The following SFMBT2 variants were observed in gnomAD, a reference collection of about 807,000 sequenced individuals.
The protein encoded by SFMBT2 is scm-like with four MBT domains protein 2.
In SFMBT2, 38 loss-of-function variants were observed where a neutral mutation model predicts 110.1. That is an observed-to-expected ratio of 0.35 (90% CI 0.27 to 0.45). SFMBT2 has a LOEUF of 0.45. Among genes scored for constraint, SFMBT2 ranks in the 20% least tolerant of loss-of-function variants. SFMBT2 has a pLI of 1.00. For missense variants in SFMBT2, 1,011 were observed against 1,094.9 expected, an observed-to-expected ratio of 0.92 and a Z score of 1.08; for synonymous variants, 425 against 425.4, an observed-to-expected ratio of 1.00 and a Z score of 0.01.
chr10:7,248,043 A>T (rs1383314730), intron 8 of SFMBT2, among the ~76,000 whole-genome samples: 1 of 152,216 alleles, frequency 6.6e-6, no homozygotes, highest in African/African-American at 2.4e-5. Flanking sequence ...GGACTAACAG[A>T]TCATTATAAA....
chr10:7,375,438 G>A (rs2132066845), intron 2 of SFMBT2, among the ~76,000 whole-genome samples: 1 of 152,274 alleles, frequency 6.6e-6, no homozygotes, highest in South Asian at 2.1e-4. Flanking sequence ...AATGCTTACT[G>A]AGCACCTTCT....
chr10:7,162,794 G>C lies in SFMBT2; in HGVS notation c.*976C>G, dbSNP rs1260572480. On this transcript the variant is annotated 3_prime_UTR_variant, in exon 21 of 21. Coordinates refer to ENST00000397167, the MANE Select transcript of SFMBT2 (RefSeq NM_001387889.1). ...AGAGTTTGTCTCTACAGATGTTCTA[G>C]GCTTCAATCAAAAACCATCCAGTTG... The C allele has an allele frequency of 6.6e-6, 1 of 152,250 alleles. No homozygotes were observed. Among genetic ancestry groups the C allele is most frequent in the Non-Finnish European group, 1.5e-5 (1 of 68,102 alleles). The allele number at this position is 152,250 out of a possible 1,614,324, so 9.4% of individuals were successfully genotyped here. A position where few individuals can be genotyped will look rare whatever the true frequency, so the allele number is the denominator to read the frequency against.
At chr10:7,300,244 T>G (rs1045165976) in intron 4 of SFMBT2, among the ~76,000 whole-genome samples, 2 of 149,984 alleles carry the variant, frequency 1.3e-5, no homozygotes, top group African/African-American at 4.9e-5. Context: ...ATGGCACACA[T>G]AACCTATGTA....
intron 9 of SFMBT2, among the ~76,000 whole-genome samples, chr10:7,238,990 A>G (rs1840350046): frequency 6.6e-6 from 1 of 152,230 alleles, no homozygotes; most frequent in South Asian, 2.1e-4. Flanking sequence ...CTTACCAGGA[A>G]AATCCTTACT....
At chr10:7,197,315 G>A (rs1250273568) in intron 15 of SFMBT2, among the ~76,000 whole-genome samples, 2 of 151,940 alleles carry the variant, frequency 1.3e-5, no homozygotes, top group Non-Finnish European at 1.5e-5. Context: ...CCCCTAATTC[G>A]AGGGAAGGCA....
At chr10:7,248,808 G>A (rs950227118) in intron 7 of SFMBT2, among the ~76,000 whole-genome samples, 159 bp from the exon 8 acceptor site, 1 of 152,258 alleles carries the variant, frequency 6.6e-6, no homozygotes, top group Non-Finnish European at 1.5e-5. Flanking sequence ...CAGATACCAC[G>A]GATTTAATTA....
chr10:7,339,294 CAAAT>C (rs992806594), intron 4 of SFMBT2, among the ~76,000 whole-genome samples: 4 of 152,132 alleles, frequency 2.6e-5, no homozygotes, highest in Admixed American at 2.6e-4. Context: ...TTAATGAAAA[CAAAT>C]AAGTTTCGAT....
intron 8 of SFMBT2, among the ~76,000 whole-genome samples, chr10:7,247,049 T>C (rs2131728880): frequency 6.6e-6 from 1 of 152,322 alleles, no homozygotes; most frequent in African/African-American, 2.4e-5. Flanking sequence ...ACCTCCAGAT[T>C]ATAAAGCAAA....
At chr10:7,396,710 T>C (rs112946550) in intron 1 of SFMBT2, among the ~76,000 whole-genome samples, 3,920 of 151,920 alleles carry the variant, frequency 0.026, 89 homozygotes, top group Non-Finnish European at 0.038. Context: ...TGGAATCCTA[T>C]GCAGTCATAA....
At chr10:7,184,960 T>C (rs1319267409) in intron 16 of SFMBT2, among the ~76,000 whole-genome samples, 1 of 152,206 alleles carries the variant, frequency 6.6e-6, no homozygotes, top group South Asian at 2.1e-4. Context: ...TTTCACTTCA[T>C]TGGTCTCATT....
chr10:7,276,273 T>C (rs567089506), intron 7 of SFMBT2, among the ~76,000 whole-genome samples: 2 of 152,348 alleles, frequency 1.3e-5, no homozygotes, highest in Admixed American at 6.5e-5. Flanking sequence ...CTGTCATTTT[T>C]ACTAAATGTC....
At chr10:7,251,170 TA>T (rs34202336) in intron 7 of SFMBT2, among the ~76,000 whole-genome samples, 2,536 of 147,012 alleles carry the variant, frequency 0.017, 67 homozygotes, top group African/African-American at 0.053. Flanking sequence ...AATTAAACAT[TA>T]AAAAAAAAAA....
chr10:7,261,632 A>G (rs1225756277), intron 7 of SFMBT2, among the ~76,000 whole-genome samples: 2 of 152,200 alleles, frequency 1.3e-5, no homozygotes, highest in Non-Finnish European at 2.9e-5. Context: ...TGATCTAGAG[A>G]CTTTGCAGGT....
rs575994623 is a variant in SFMBT2, at chr10:7,314,941, A to G, written c.437-28987T>C. Among the ~76,000 whole-genome samples the G allele has an allele frequency of 1.7e-3, 256 of 150,348 alleles. 2 individuals are homozygous for G. The highest frequency in any genetic ancestry group is 6.0e-3 in the African/African-American group (243 of 40,800). ...AGAAACAGAAAGAGAGAGAGAGAGAAAGAGAAAGAGAGAAAGAAAAGAGAG... is the reference window on the plus strand; with the variant it reads ...AGAAACAGAAAGAGAGAGAGAGAGAGAGAGAAAGAGAGAAAGAAAAGAGAG... On this transcript the variant is annotated intron_variant, in intron 4 of 20. Coordinates refer to ENST00000397167, the MANE Select transcript of SFMBT2 (RefSeq NM_001387889.1).
intron 7 of SFMBT2, among the ~76,000 whole-genome samples, chr10:7,271,699 C>T (rs545083473): frequency 6.6e-6 from 1 of 152,236 alleles, no homozygotes; most frequent in African/African-American, 2.4e-5. Flanking sequence ...CGAGACTGGG[C>T]AATTTACTAA....
intron 4 of SFMBT2, among the ~76,000 whole-genome samples, chr10:7,361,469 C>T (rs1399517654): frequency 2.0e-5 from 3 of 152,138 alleles, no homozygotes; most frequent in Non-Finnish European, 1.5e-5. Context: ...GTAAAAATGG[C>T]AATTCCCAAA....
intron 4 of SFMBT2, among the ~76,000 whole-genome samples, chr10:7,330,127 GT>G (rs1564443499): frequency 1.3e-5 from 2 of 152,044 alleles, no homozygotes; most frequent in Non-Finnish European, 2.9e-5. Context: ...GGTTGTAAAC[GT>G]TTTTTAGAGA....
intron 4 of SFMBT2, among the ~76,000 whole-genome samples, chr10:7,357,110 A>G (rs1844543604): frequency 6.6e-6 from 1 of 152,250 alleles, no homozygotes; most frequent in African/African-American, 2.4e-5. Context: ...AGGGCAAAGT[A>G]GCACAGTGAT....
At chr10:7,384,211 CAAAAAAAAAAAA>C (rs59239303) in intron 1 of SFMBT2, among the ~76,000 whole-genome samples, 9 of 27,976 alleles carry the variant, frequency 3.2e-4, no homozygotes, top group East Asian at 3.0e-3. Flanking sequence ...AACTCCATCT[CAAAAAAAAAAAA>C]AAAAAAAAAA....
Sources: gnomAD v4.1 joint callset for allele counts (sites outside exome capture counted in the v4.1 genomes callset) on GRCh38, gnomAD v4.1.1 for gene constraint, MANE v1.5 for transcripts, NCBI Gene and HGNC (gene_info 2026-07-23, HGNC 2026-07-21) for gene names.